The following HEPH variants were observed in gnomAD, a reference collection of about 807,000 sequenced individuals.
HEPH encodes the protein hephaestin.
HEPH carries 69 observed loss-of-function variants against 80.8 expected under a neutral mutation model. The observed-to-expected ratio is 0.85, with a 90% CI of 0.70 to 1.04. HEPH has a LOEUF of 1.04. Ranked by LOEUF, HEPH falls within the 50% of genes least tolerant of loss-of-function variation. The pLI is 0.00. For missense variants in HEPH, 1,115 were observed against 891.3 expected (o/e 1.25, Z -3.20); for synonymous variants, 431 against 322.8 (o/e 1.34, Z -3.60).
rs369626160 is a variant in HEPH at position 66,203,581 on chromosome X, A to G, written c.2291+4A>G. 1.5e-5 allele frequency: 18 copies of G among 1,198,442 alleles called. No homozygotes were observed. The highest frequency in any genetic ancestry group is 1.9e-5 in the Non-Finnish European group (17 of 885,625). ...ACAACCAGTCTGAGAAGGACAGGTAAGGCTTCATAAATGGAGAGATTACAC... is the reference window on the plus strand; with the variant it reads ...ACAACCAGTCTGAGAAGGACAGGTAGGGCTTCATAAATGGAGAGATTACAC... On this transcript the variant is annotated splice_donor_region_variant and intron_variant, in intron 13 of 20. Transcript: ENST00000343002.
intron 4 of HEPH, among the ~76,000 whole-genome samples, chrX:66,186,659 C>G (rs947338823): frequency 2.2e-4 from 25 of 111,857 alleles, no homozygotes; most frequent in Non-Finnish European, 4.3e-4. Context: ...AATCACCCGT[C>G]TTCTGCGTCG....
rs376130905 is a variant in HEPH at position 66,172,549 on chromosome X, G to T, written c.362G>T (p.Arg121Leu). The change falls in exon 3 of 21, where the codon CGT becomes CTT. Residue 121 changes from arginine (R) to leucine (L), a missense_variant. Around this residue, in one of 3 missense-constraint regions of HEPH, gnomAD observed 391 missense variants for 343.6 expected, o/e 1.14. Transcript: ENST00000343002. ...ATTCACCTGAAGAATTTTGCCACTC[G>T]TCCCTATACCATCCACCCTCATGGT... Reference protein sequence around the residue: ...ILIHLKNFATRPYTIHPHGVF... With the variant: ...ILIHLKNFATLPYTIHPHGVF... 8.3e-7 allele frequency: 1 copy of T among 1,200,639 alleles called. No individual in the cohort carries two copies. The highest frequency in any genetic ancestry group is 1.8e-5 in the African/African-American group (1 of 56,934).
chrX:66,231,094 C>T (rs1303790540), intron 15 of HEPH, among the ~76,000 whole-genome samples: 36 of 109,354 alleles, frequency 3.3e-4, no homozygotes, highest in East Asian at 5.8e-4. Context: ...TGTAGGTATG[C>T]GGCGTCATTT....
chrX:66,208,327 A>G (rs1394502267), intron 15 of HEPH, 81 bp downstream of exon 15: 1 of 962,893 alleles, frequency 1.0e-6, no homozygotes, highest in African/African-American at 1.9e-5. Context: ...TTAAAAAATT[A>G]ATGTACTTCA....
At chrX:66,215,046 G>T (rs1157639221) in intron 15 of HEPH, among the ~76,000 whole-genome samples, 5 of 111,260 alleles carry the variant, frequency 4.5e-5, no homozygotes, top group African/African-American at 1.3e-4. Flanking sequence ...TAAATTTATA[G>T]ATTAATTTGG....
At chrX:66,259,709 G>T (rs2091295028) in intron 18 of HEPH, among the ~76,000 whole-genome samples, 1 of 103,284 alleles carries the variant, frequency 9.7e-6, no homozygotes, top group South Asian at 4.2e-4. Context: ...GAATAAAGTG[G>T]ACTTTTTTTT....
intron 15 of HEPH, among the ~76,000 whole-genome samples, chrX:66,252,172 C>T (rs1039195935): frequency 6.3e-5 from 7 of 111,752 alleles, no homozygotes; most frequent in African/African-American, 2.3e-4. Flanking sequence ...TCAAAGATAA[C>T]TCTTGTGTTT....
At chrX:66,204,725 G>A (rs1306077046) in intron 13 of HEPH, among the ~76,000 whole-genome samples, 1 of 111,893 alleles carries the variant, frequency 8.9e-6, no homozygotes, top group Non-Finnish European at 1.9e-5. Context: ...AATAAAATTT[G>A]ACTTTATGTA....
intron 9 of HEPH, 144 bp downstream of exon 9, chrX:66,195,373 T>C: frequency 2.6e-6 from 1 of 390,277 alleles, no homozygotes; most frequent in Non-Finnish European, 3.9e-6. Flanking sequence ...AATAATATAA[T>C]AGTAAAACAG....
intron 3 of HEPH, 36 bp from the exon 4 acceptor site, chrX:66,173,553 T>C: frequency 9.4e-7 from 1 of 1,060,658 alleles, no homozygotes; most frequent in Non-Finnish European, 1.3e-6. Context: ...GTCCCTCACT[T>C]ATTCTGGGCC....
At position 66,170,598 on chromosome X, in the gene HEPH, C is replaced by G; in HGVS notation, c.28C>G (p.Leu10Val). 8.3e-7 allele frequency: 1 copy of G among 1,210,982 alleles called. No individual in the cohort carries two copies. Among genetic ancestry groups the G allele is most frequent in the Non-Finnish European group, 1.1e-6 (1 of 895,190 alleles). The change falls in exon 2 of 21, where the codon CTG (leucine) becomes GTG (valine). Residue 10 changes from leucine (L) to valine (V), a missense_variant. This residue lies in a region of HEPH where 391 missense variants were observed against 343.6 expected (regional missense o/e 1.14). Transcript: ENST00000343002. ...GGAGTCAGGCCACCTCCTCTGGGCT[C>G]TGCTGTTCATGCAGTCCTTGTGGCC... is the stretch of plus-strand genomic sequence containing the variant. MESGHLLWA[L>V]LFMQSLWPQL... is the part of the protein sequence containing the mutation.
chrX:66,183,486 C>T (rs1249382920), intron 4 of HEPH, among the ~76,000 whole-genome samples: 2 of 27,069 alleles, frequency 7.4e-5, no homozygotes, highest in Non-Finnish European at 9.7e-5. Flanking sequence ...AGTTTATTTG[C>T]GTAGAGGTGT....
intron 15 of HEPH, among the ~76,000 whole-genome samples, chrX:66,219,186 G>A (rs1227476732): frequency 8.9e-6 from 1 of 112,087 alleles, no homozygotes; most frequent in African/African-American, 3.2e-5. Flanking sequence ...AGTACAGGTA[G>A]CAAGGAAGCA....
chrX:66,247,777 G>A (rs983635975), intron 15 of HEPH, among the ~76,000 whole-genome samples: 4 of 111,549 alleles, frequency 3.6e-5, no homozygotes, highest in Admixed American at 9.6e-5. Context: ...ATTGTAGTTC[G>A]ATAGAAATGT....
At chrX:66,175,823 T>C (rs1313844978) in intron 4 of HEPH, among the ~76,000 whole-genome samples, 2 of 111,667 alleles carry the variant, frequency 1.8e-5, no homozygotes, top group East Asian at 5.6e-4. Flanking sequence ...GCTTGGTCAA[T>C]GGTAGTGTAT....
At chrX:66,180,599 C>A (rs1474978822) in intron 4 of HEPH, among the ~76,000 whole-genome samples, 8 of 83,892 alleles carry the variant, frequency 9.5e-5, no homozygotes, top group Non-Finnish European at 1.9e-4. Context: ...AGGTGATAAT[C>A]TTTTTGTAAT....
At chrX:66,260,745 T>C (rs923300554) in intron 19 of HEPH, among the ~76,000 whole-genome samples, 1 of 111,060 alleles carries the variant, frequency 9.0e-6, no homozygotes, top group African/African-American at 3.3e-5. Flanking sequence ...TATGGGGTTG[T>C]GAAAGGCAAT....
chrX:66,202,938 T>TATATAC (rs1419712201), intron 12 of HEPH, among the ~76,000 whole-genome samples: 4 of 96,791 alleles, frequency 4.1e-5, no homozygotes, highest in Non-Finnish European at 8.2e-5. Context: ...TATATATATA[T>TATATAC]ACACACACAC....
intron 15 of HEPH, among the ~76,000 whole-genome samples, chrX:66,214,751 C>A (rs887894001): frequency 3.6e-5 from 4 of 111,005 alleles, no homozygotes; most frequent in Non-Finnish European, 7.6e-5. Flanking sequence ...ATCTTCTAAA[C>A]CATTCAACTT....
Sources: gnomAD v4.1 joint callset for allele counts (sites outside exome capture counted in the v4.1 genomes callset) on GRCh38, gnomAD v4.1.1 for gene constraint, gnomAD v4.1.1 regional missense constraint, MANE v1.5 for transcripts, NCBI Gene and HGNC (gene_info 2026-07-23, HGNC 2026-07-21) for gene names.